Variants in AKIRIN2 observed in about 807,000 individuals in gnomAD.
AKIRIN2 encodes the protein akirin 2, also known as akirin-2.
Under a neutral mutation model 29.3 loss-of-function variants are expected in AKIRIN2, and 6 were observed. The observed-to-expected ratio is 0.20, with a 90% confidence interval of 0.11 to 0.40. The LOEUF is 0.40. Among genes scored for constraint, AKIRIN2 ranks in the 10% least tolerant of loss-of-function variants. The pLI is 1.00. For synonymous variants in AKIRIN2, 128 were observed against 117.5 expected (o/e 1.09, Z -0.58); for missense variants, 210 against 276.1 (o/e 0.76, Z 1.70).
intron 1 of AKIRIN2, among the ~76,000 whole-genome samples, chr6:87,697,221 G>A (rs141218732): frequency 0.011 from 1,656 of 151,284 alleles, 29 homozygotes; most frequent in African/African-American, 0.038. Context: ...GCTGAGGCTC[G>A]AGAATCGCTT....
intron 2 of AKIRIN2, among the ~76,000 whole-genome samples, chr6:87,680,898 C>A (rs1329300080): frequency 6.6e-6 from 1 of 151,130 alleles, no homozygotes. Context: ...CCCAATAAGA[C>A]AAGTGTGTGA....
At chr6:87,695,928 A>G (rs1286939528) in intron 1 of AKIRIN2, among the ~76,000 whole-genome samples, 1 of 152,220 alleles carries the variant, frequency 6.6e-6, no homozygotes, top group Non-Finnish European at 1.5e-5. Flanking sequence ...CTGTAATCCC[A>G]GCACTTTGGG....
At chr6:87,701,067 T>C (rs922413459) in intron 1 of AKIRIN2, among the ~76,000 whole-genome samples, 3 of 151,672 alleles carry the variant, frequency 2.0e-5, no homozygotes, top group East Asian at 1.9e-4. Flanking sequence ...CACATCCAGA[T>C]TGGGGTGAAA....
intron 1 of AKIRIN2, among the ~76,000 whole-genome samples, chr6:87,693,505 G>A (rs950326359): frequency 6.6e-6 from 1 of 152,100 alleles, no homozygotes; most frequent in Non-Finnish European, 1.5e-5. Flanking sequence ...CCAGACGGGC[G>A]GATCACGAGG....
At chr6:87,695,970 G>A (rs1188204547) in intron 1 of AKIRIN2, among the ~76,000 whole-genome samples, 2 of 152,070 alleles carry the variant, frequency 1.3e-5, no homozygotes, top group Non-Finnish European at 2.9e-5. Context: ...TTGAGCCCCA[G>A]GAGTTTGAAA....
At chr6:87,696,867 G>A (rs1279097989) in intron 1 of AKIRIN2, among the ~76,000 whole-genome samples, 4 of 150,916 alleles carry the variant, frequency 2.7e-5, no homozygotes, top group African/African-American at 7.3e-5. Context: ...TTAGCCGGGC[G>A]TGGTGGTGTG....
intron 1 of AKIRIN2, among the ~76,000 whole-genome samples, chr6:87,697,034 G>A (rs2754263): frequency 0.087 from 13,223 of 151,390 alleles, 677 homozygotes; most frequent in African/African-American, 0.14. Flanking sequence ...AAAAGCCGGC[G>A]GCACAGGCTC....
At chr6:87,695,896 T>A (rs1488649716) in intron 1 of AKIRIN2, among the ~76,000 whole-genome samples, 2 of 151,750 alleles carry the variant, frequency 1.3e-5, no homozygotes, top group Non-Finnish European at 2.9e-5. Context: ...AGAAAAAACC[T>A]GCCGGGCACA....
rs1771478210 is a variant in AKIRIN2 at position 87,702,027 on chromosome 6, G to A, written c.-343C>T. Reference sequence around the variant, plus strand: ...GCCGTCCGCTCGAGCTTTGCGCCGCGCCTGAGGCGCTTCTGTGCTGAGACT... The same window carrying A: ...GCCGTCCGCTCGAGCTTTGCGCCGCACCTGAGGCGCTTCTGTGCTGAGACT... On this transcript the variant is annotated 5_prime_UTR_variant, in exon 1 of 5. Coordinates refer to ENST00000257787, the MANE Select transcript of AKIRIN2 (RefSeq NM_018064.4). The A allele has an allele frequency of 5.0e-6, 2 of 403,850 alleles. No homozygotes were observed. Among genetic ancestry groups the A allele is most frequent in the Non-Finnish European group, 4.4e-6 (1 of 229,148 alleles). The allele number at this position is 403,850 out of a possible 1,614,324, so 25.0% of individuals were successfully genotyped here.
chr6:87,676,054 T>C, intron 3 of AKIRIN2, 123 bp from the exon 4 acceptor site: 2 of 701,172 alleles, frequency 2.9e-6, no homozygotes, highest in African/African-American at 1.8e-5. Context: ...ATAACCTCAG[T>C]AGTACTAATA....
chr6:87,699,393 A>G (rs993364470), intron 1 of AKIRIN2, among the ~76,000 whole-genome samples: 1 of 152,200 alleles, frequency 6.6e-6, no homozygotes, highest in African/African-American at 2.4e-5. Flanking sequence ...TAGCAAGTCA[A>G]AATTTCAATT....
At chr6:87,691,253 G>A (rs979644637) in intron 1 of AKIRIN2, among the ~76,000 whole-genome samples, 3 of 151,826 alleles carry the variant, frequency 2.0e-5, no homozygotes, top group Non-Finnish European at 4.4e-5. Flanking sequence ...GACCAGCCTG[G>A]CCAACATGGT....
intron 2 of AKIRIN2, among the ~76,000 whole-genome samples, chr6:87,680,785 TTA>T (rs1287105385): frequency 7.8e-4 from 91 of 117,190 alleles, no homozygotes; most frequent in African/African-American, 1.9e-3. Flanking sequence ...TTTTTTTTTT[TTA>T]AAAAAAAGGA....
intron 1 of AKIRIN2, among the ~76,000 whole-genome samples, chr6:87,683,684 T>C (rs1771148925): frequency 6.6e-6 from 1 of 152,158 alleles, no homozygotes; most frequent in Non-Finnish European, 1.5e-5. Flanking sequence ...GATGGAGTCT[T>C]GCTCTGTCAC....
intron 1 of AKIRIN2, 84 bp from the exon 2 acceptor site, chr6:87,681,847 C>A: frequency 8.8e-7 from 1 of 1,141,490 alleles, no homozygotes; most frequent in Non-Finnish European, 1.2e-6. Flanking sequence ...TTTAGTAGAC[C>A]AATCTACCCA....
At chr6:87,694,856 A>G (rs1164573974) in intron 1 of AKIRIN2, among the ~76,000 whole-genome samples, 2 of 152,216 alleles carry the variant, frequency 1.3e-5, no homozygotes, top group Non-Finnish European at 2.9e-5. Flanking sequence ...CTCATCACCA[A>G]AAATATTACA....
chr6:87,700,117 T>A (rs949890458), intron 1 of AKIRIN2, among the ~76,000 whole-genome samples: 4 of 152,142 alleles, frequency 2.6e-5, no homozygotes, highest in Non-Finnish European at 5.9e-5. Flanking sequence ...AGTAAGGTCA[T>A]TAAATAAATT....
At position 87,701,467 on chromosome 6, in the gene AKIRIN2, G is replaced by A. The variant is rs946683903; in HGVS notation, c.218C>T (p.Ser73Phe). The change falls in exon 1 of 5, where the codon TCC becomes TTC. Residue 73 changes from serine to phenylalanine, a missense_variant. This residue lies in a region of AKIRIN2 where 199 missense variants were observed against 236.5 expected (regional missense o/e 0.84). Transcript: ENST00000257787. ...RMEPSPFGDV[S>F]SRLTTEQILY... ...GGTCCCACCTGTGGTGAGGCGGGAG[G>A]AGACGTCGCCGAAGGGGGATGGCTC... is the stretch of plus-strand genomic sequence containing the variant. 3.9e-6 allele frequency: 6 copies of A among 1,522,074 alleles called. No homozygotes were observed. Among genetic ancestry groups the A allele is most frequent in the African/African-American group, 1.4e-5 (1 of 69,524 alleles). 94.3% of individuals were successfully genotyped at this position (1,522,074 alleles called of 1,614,324 possible).
intron 1 of AKIRIN2, among the ~76,000 whole-genome samples, chr6:87,684,897 A>C (rs1312376621): frequency 6.6e-6 from 1 of 152,186 alleles, no homozygotes; most frequent in Admixed American, 6.6e-5. Context: ...GGGCTGCCTA[A>C]TCATATGGCA....
Sources: allele counts gnomAD v4.1 joint callset (sites outside exome capture counted in the v4.1 genomes callset), GRCh38; gene constraint gnomAD v4.1.1; regional missense constraint gnomAD v4.1.1; transcripts MANE v1.5; gene names NCBI Gene and HGNC (gene_info 2026-07-23, HGNC 2026-07-21).